Variants in PLEKHH2 observed in about 807,000 individuals in gnomAD.
PLEKHH2 encodes pleckstrin homology domain-containing family H member 2.
In PLEKHH2, 129 loss-of-function variants were observed where a neutral mutation model predicts 187.9. The ratio of observed to expected loss-of-function variants is 0.69; its 90% confidence interval spans 0.59 to 0.79. The LOEUF (loss-of-function observed/expected upper bound fraction) is 0.79. Ranked by LOEUF, PLEKHH2 falls within the 30% of genes least tolerant of loss-of-function variation. PLEKHH2 has a pLI of 0.00. For missense variants in PLEKHH2, 2,076 were observed against 1,751.2 expected (o/e 1.19, Z -3.31); for synonymous variants, 686 against 605.6 (o/e 1.13, Z -1.95).
At chr2:43,692,771 C>G (rs1668874814) in intron 4 of PLEKHH2, 108 bp downstream of exon 4, 1 of 1,206,326 alleles carries the variant, frequency 8.3e-7, no homozygotes, top group African/African-American at 1.6e-5. Flanking sequence ...AGAAATATTG[C>G]TTATTCGGTC....
chr2:43,705,071 A>G (rs1409480775), intron 9 of PLEKHH2, among the ~76,000 whole-genome samples: 1 of 152,086 alleles, frequency 6.6e-6, no homozygotes, highest in East Asian at 1.9e-4. Context: ...GAAACAATGC[A>G]TGCTCATTAC....
chr2:43,738,599 A>G (rs1295095455), intron 20 of PLEKHH2, 79 bp downstream of exon 20: 8 of 1,346,156 alleles, frequency 5.9e-6, no homozygotes, highest in African/African-American at 5.9e-5. Context: ...CACATTCAGC[A>G]TAGACATTTG....
In PLEKHH2 at chr2:43,646,703, T is replaced by A. The variant is rs547760600; in HGVS notation, c.123+1907T>A. On this transcript the variant is annotated intron_variant, in intron 2 of 29. Transcript: ENST00000282406. Reference sequence around the variant, plus strand: ...TATAAGTAAAATAGCTTTTTTATTATTAATTTTTATGCTATCAGATTAAAT... The same window carrying A: ...TATAAGTAAAATAGCTTTTTTATTAATAATTTTTATGCTATCAGATTAAAT... Among the ~76,000 whole-genome samples, 9 of 152,290 alleles carry A rather than the reference T, an allele frequency of 5.9e-5. No homozygotes were observed. The East Asian group carries it at 1.7e-3, about 29-fold the overall frequency.
chr2:43,764,338 A>G lies in PLEKHH2; in HGVS notation c.4269A>G (p.Lys1423=). The G allele has an allele frequency of 1.2e-6, 2 of 1,612,898 alleles. No homozygotes were observed. The highest frequency in any genetic ancestry group is 8.5e-7 in the Non-Finnish European group (1 of 1,179,454). The change falls in exon 29 of 30, where the codon AAA becomes AAG. Residue 1423 remains lysine, a synonymous_variant. Transcript: ENST00000282406. ...NTHSKDKPTE[K]LLFAMAKPKI... ...ATTCAAAGGACAAACCAACAGAGAAATTACTTTTTGCCATGGCAAAACCCA... is the reference window on the plus strand; with the variant it reads ...ATTCAAAGGACAAACCAACAGAGAAGTTACTTTTTGCCATGGCAAAACCCA...
rs1672598607 is a variant in PLEKHH2, at chr2:43,765,715, A to G, written c.*117A>G. On this transcript the variant is annotated 3_prime_UTR_variant, in exon 30 of 30. Transcript: ENST00000282406. Reference sequence around the variant, plus strand: ...CCACACACCGGTATTCCAAACCTTAACAATGAAGGGGGTTAGTCTCTTTTA... The same window carrying G: ...CCACACACCGGTATTCCAAACCTTAGCAATGAAGGGGGTTAGTCTCTTTTA... 1.1e-6 allele frequency: 1 copy of G among 888,140 alleles called. No homozygotes were observed. Among genetic ancestry groups the G allele is most frequent in the African/African-American group, 1.7e-5 (1 of 58,976 alleles). The allele number at this position is 888,140 out of a possible 1,614,324, so 55.0% of individuals were successfully genotyped here.
intron 19 of PLEKHH2, among the ~76,000 whole-genome samples, chr2:43,735,757 A>G (rs570805622): frequency 1.3e-5 from 2 of 152,330 alleles, no homozygotes; most frequent in African/African-American, 4.8e-5. Context: ...ATTATGACTG[A>G]AAGGGATTTA....
intron 20 of PLEKHH2, chr2:43,740,672 G>T: frequency 3.8e-6 from 1 of 262,798 alleles, no homozygotes; most frequent in East Asian, 8.3e-5. Context: ...CCTAATCTTT[G>T]AGTGTAACGT....
intron 20 of PLEKHH2, 68 bp from the exon 21 acceptor site, chr2:43,740,878 G>A: frequency 6.3e-7 from 1 of 1,580,902 alleles, no homozygotes; most frequent in Non-Finnish European, 8.6e-7. Context: ...TCAGCCCATT[G>A]CACTCACTCA....
At chr2:43,695,518 T>C (rs751680201) in intron 6 of PLEKHH2, among the ~76,000 whole-genome samples, 2 of 152,222 alleles carry the variant, frequency 1.3e-5, no homozygotes, top group Non-Finnish European at 1.5e-5. Context: ...AGACCTTCCA[T>C]TGGTACACTT....
Position 43,767,263 on chromosome 2 carries a change from T to C in PLEKHH2, c.*1665T>C, listed in dbSNP as rs1030319655. 4 of 152,376 alleles carry C rather than the reference T, an allele frequency of 2.6e-5. No homozygotes were observed. The highest frequency in any genetic ancestry group is 1.5e-5 in the Non-Finnish European group (1 of 68,040). 9.4% of individuals were successfully genotyped at this position (152,376 alleles called of 1,614,324 possible). A position where few individuals can be genotyped will look rare whatever the true frequency, so the allele number is the denominator to read the frequency against. ...TTGCCCGAGCCTTCATATTTTCTTC[T>C]TTGCTGCCTTCTCCCTGTGGCAATG... On this transcript the variant is annotated 3_prime_UTR_variant, in exon 30 of 30. Coordinates refer to ENST00000282406, the MANE Select transcript of PLEKHH2 (RefSeq NM_172069.4).
chr2:43,675,474 C>A (rs769065368), intron 2 of PLEKHH2: 1 of 1,614,002 alleles, frequency 6.2e-7, no homozygotes, highest in South Asian at 1.1e-5. Flanking sequence ...TCATTACTTC[C>A]ATCTTTTGGG....
chr2:43,746,039 C>T, intron 24 of PLEKHH2, 76 bp downstream of exon 24: 2 of 825,394 alleles, frequency 2.4e-6, no homozygotes, highest in Non-Finnish European at 3.6e-6. Flanking sequence ...ATTTACCTTT[C>T]TATTGAATGC....
At chr2:43,753,815 A>G in intron 25 of PLEKHH2, 55 bp downstream of exon 25, 3 of 1,333,270 alleles carry the variant, frequency 2.3e-6, no homozygotes, top group Admixed American at 2.7e-5. Context: ...ACTAATTTCT[A>G]CACTGAATTA....
intron 28 of PLEKHH2, among the ~76,000 whole-genome samples, chr2:43,763,134 T>G (rs1320968340): frequency 6.6e-6 from 1 of 152,050 alleles, no homozygotes; most frequent in African/African-American, 2.4e-5. Flanking sequence ...ATTTTCTGAG[T>G]GCCTTTTAGT....
chr2:43,683,960 C>T (rs539640195), intron 3 of PLEKHH2, among the ~76,000 whole-genome samples: 1 of 152,168 alleles, frequency 6.6e-6, no homozygotes, highest in Non-Finnish European at 1.5e-5. Context: ...CCCTCCAACA[C>T]ACATTCAAGC....
In PLEKHH2 at chr2:43,755,045, G is replaced by A. The variant is rs540827482; in HGVS notation, c.3795+1285G>A. Among the ~76,000 whole-genome samples, 88 of 151,882 alleles carry A rather than the reference G, an allele frequency of 5.8e-4. No homozygotes were observed. In the Middle Eastern group the frequency reaches 0.014, roughly 23 times the overall value. ...TCACCACCATGCTCTGCTAATTTTC[G>A]TATTTTTAGTAGAGACGGGGTTTCA... On this transcript the variant is annotated intron_variant, in intron 25 of 29. Transcript: ENST00000282406.
At chr2:43,754,201 CACACA>C (rs1320764114) in intron 25 of PLEKHH2, among the ~76,000 whole-genome samples, 6 of 115,050 alleles carry the variant, frequency 5.2e-5, no homozygotes, top group African/African-American at 2.5e-4. Context: ...CACACACACA[CACACA>C]AAATTAATAC....
At chr2:43,645,450 T>G (rs1454417855) in intron 2 of PLEKHH2, among the ~76,000 whole-genome samples, 1 of 152,150 alleles carries the variant, frequency 6.6e-6, no homozygotes, top group Non-Finnish European at 1.5e-5. Context: ...CAACCCATAT[T>G]CCTATTTCCA....
chr2:43,692,780 T>A (rs1668875568), intron 4 of PLEKHH2, 117 bp downstream of exon 4: 1 of 1,145,588 alleles, frequency 8.7e-7, no homozygotes, highest in East Asian at 2.5e-5. Flanking sequence ...GCTTATTCGG[T>A]CAACCCATAG....
Sources: allele counts gnomAD v4.1 joint callset (sites outside exome capture counted in the v4.1 genomes callset), GRCh38; gene constraint gnomAD v4.1.1; transcripts MANE v1.5; gene names NCBI Gene and HGNC (gene_info 2026-07-23, HGNC 2026-07-21).